The following IRAK3 variants were observed in gnomAD, a reference collection of about 807,000 sequenced individuals.
The protein encoded by IRAK3 is interleukin 1 receptor associated kinase 3, also known as interleukin-1 receptor-associated kinase 3.
IRAK3 carries 57 observed loss-of-function variants against 56.6 expected under a neutral mutation model. The ratio of observed to expected loss-of-function variants is 1.01; its 90% confidence interval spans 0.81 to 1.26. The LOEUF (loss-of-function observed/expected upper bound fraction) is 1.26. IRAK3 is among the 50% of genes most tolerant of loss of function. The pLI, the probability that IRAK3 is intolerant of heterozygous loss-of-function variation, is 0.00. For synonymous variants in IRAK3, 258 were observed against 255.7 expected (o/e 1.01, Z -0.09); for missense variants, 703 against 719.0 (o/e 0.98, Z 0.25).
chr12:66,233,374 C>T (rs1275551817), intron 8 of IRAK3, among the ~76,000 whole-genome samples: 3 of 152,102 alleles, frequency 2.0e-5, no homozygotes, highest in South Asian at 2.1e-4. Flanking sequence ...AGAAATTAGC[C>T]GGGCATAGTG....
chr12:66,221,377 C>T (rs2052731999), intron 6 of IRAK3, among the ~76,000 whole-genome samples: 1 of 152,100 alleles, frequency 6.6e-6, no homozygotes, highest in Non-Finnish European at 1.5e-5. Flanking sequence ...ATTGCTCTGG[C>T]TAGGACTTCC....
At chr12:66,190,512 A>C (rs2052389215) in intron 1 of IRAK3, among the ~76,000 whole-genome samples, 1 of 152,150 alleles carries the variant, frequency 6.6e-6, no homozygotes, top group South Asian at 2.1e-4. Flanking sequence ...CAGTATTTAT[A>C]CCCGTTGATT....
chr12:66,221,994 A>G (rs1394451882), intron 6 of IRAK3, among the ~76,000 whole-genome samples: 1 of 152,148 alleles, frequency 6.6e-6, no homozygotes, highest in Non-Finnish European at 1.5e-5. Flanking sequence ...ATGCCACCAC[A>G]CTCTAGCCTG....
At chr12:66,224,287 C>T (rs55715236) in intron 6 of IRAK3, among the ~76,000 whole-genome samples, 32,961 of 152,102 alleles carry the variant, frequency 0.22, 4,218 homozygotes, top group Middle Eastern at 0.33. Context: ...CCTGAATCAT[C>T]TTCTCAGATG....
intron 2 of IRAK3, among the ~76,000 whole-genome samples, chr12:66,204,804 A>G (rs372854678): frequency 0.018 from 2,808 of 152,154 alleles, 32 homozygotes; most frequent in Middle Eastern, 0.048. Flanking sequence ...ACACACACAC[A>G]CACACACACA....
At chr12:66,244,805 A>C in intron 9 of IRAK3, 121 bp downstream of exon 9, 1 of 1,073,778 alleles carries the variant, frequency 9.3e-7, no homozygotes, top group Admixed American at 1.9e-5. Context: ...CATCTTATAT[A>C]TTAATTTTGT....
intron 8 of IRAK3, among the ~76,000 whole-genome samples, chr12:66,235,387 C>G (rs1435347944): frequency 6.6e-6 from 1 of 150,780 alleles, no homozygotes; most frequent in African/African-American, 2.4e-5. Flanking sequence ...GGCCGGGCCC[C>G]GGGCCGAGGC....
At chr12:66,222,386 A>G (rs979268398) in intron 6 of IRAK3, among the ~76,000 whole-genome samples, 3 of 150,712 alleles carry the variant, frequency 2.0e-5, no homozygotes, top group African/African-American at 7.3e-5. Flanking sequence ...CTATTTCTTC[A>G]TGATTCAGTC....
chr12:66,220,934 G>A lies in IRAK3; in HGVS notation c.653+3699G>A, dbSNP rs186799760. Among the ~76,000 whole-genome samples, 14 of 152,266 alleles carry A rather than the reference G, an allele frequency of 9.2e-5. No individual in the cohort carries two copies. The East Asian group carries it at 2.5e-3, about 27-fold the overall frequency. On this transcript the variant is annotated intron_variant, in intron 6 of 11. Coordinates refer to ENST00000261233, the MANE Select transcript of IRAK3 (RefSeq NM_007199.3). ...GGCATTGGAATTTTGATAGAAATGT[G>A]TTGAATGTGTAGCTCACTTTGAGTA... is the stretch of plus-strand genomic sequence containing the variant.
chr12:66,223,704 T>C (rs958247002), intron 6 of IRAK3, among the ~76,000 whole-genome samples: 2 of 151,060 alleles, frequency 1.3e-5, no homozygotes, highest in Admixed American at 1.3e-4. Flanking sequence ...AAAGTAAACA[T>C]TACTTTTTTT....
chr12:66,205,783 G>A (rs955495329), intron 2 of IRAK3, among the ~76,000 whole-genome samples: 21 of 152,186 alleles, frequency 1.4e-4, no homozygotes, highest in Admixed American at 3.9e-4. Flanking sequence ...CAGCTTCCAG[G>A]CATCACTTTG....
rs1334157822 is a variant in IRAK3, at chr12:66,196,823, C to A, written c.134-6888C>A. 7.7e-6 allele frequency: 11 copies of A among 1,421,136 alleles called. 1 individual carries two copies. In the African/African-American group the frequency reaches 1.3e-4, roughly 17 times the overall value. The allele number at this position is 1,421,136 out of a possible 1,614,324, so 88.0% of individuals were successfully genotyped here. On this transcript the variant is annotated intron_variant, in intron 1 of 11. Coordinates refer to ENST00000261233, the MANE Select transcript of IRAK3 (RefSeq NM_007199.3). ...CTTAAAAGTTCTTTTAAAAAATTGTCTAATTTTTTGCATGCTTTGTAGAAA... is the reference window on the plus strand; with the variant it reads ...CTTAAAAGTTCTTTTAAAAAATTGTATAATTTTTTGCATGCTTTGTAGAAA...
intron 6 of IRAK3, among the ~76,000 whole-genome samples, chr12:66,220,731 G>A (rs913182923): frequency 2.6e-5 from 4 of 151,306 alleles, no homozygotes; most frequent in South Asian, 2.1e-4. Flanking sequence ...CGTTTTAGCC[G>A]GGACGGTCTC....
intron 6 of IRAK3, among the ~76,000 whole-genome samples, chr12:66,218,376 C>G (rs1390263933): frequency 1.3e-5 from 2 of 151,922 alleles, no homozygotes; most frequent in African/African-American, 4.8e-5. Context: ...ACAAGAAAAC[C>G]TTGTATATAT....
intron 2 of IRAK3, among the ~76,000 whole-genome samples, chr12:66,206,455 C>T (rs1470750239): frequency 1.3e-5 from 2 of 152,088 alleles, no homozygotes; most frequent in African/African-American, 4.8e-5. Context: ...TTTTCAGATG[C>T]TTTTTTGTCA....
intron 5 of IRAK3, among the ~76,000 whole-genome samples, chr12:66,213,257 C>A (rs893269318): frequency 2.0e-5 from 3 of 151,934 alleles, no homozygotes; most frequent in African/African-American, 4.8e-5. Flanking sequence ...CTGGAAAGAC[C>A]CACCCCCATG....
rs2053129133 is a variant in IRAK3 at position 66,254,067 on chromosome 12, A to G, written c.*5896A>G. ...AAGATAAAGCAATTGACAAAAATGG[A>G]ATTCTTGTTCAATACTGGCAGGAGT... On this transcript the variant is annotated 3_prime_UTR_variant, in exon 12 of 12. Coordinates refer to ENST00000261233, the MANE Select transcript of IRAK3 (RefSeq NM_007199.3). The G allele has an allele frequency of 6.6e-6, 1 of 152,202 alleles. No homozygotes were observed. The highest frequency in any genetic ancestry group is 1.5e-5 in the Non-Finnish European group (1 of 68,028). 9.4% of individuals were successfully genotyped at this position (152,202 alleles called of 1,614,324 possible).
intron 8 of IRAK3, among the ~76,000 whole-genome samples, chr12:66,236,861 A>G (rs1313929820): frequency 6.6e-6 from 1 of 152,124 alleles, no homozygotes; most frequent in Non-Finnish European, 1.5e-5. Flanking sequence ...GAGGTCAGAT[A>G]TGTTTAGGGA....
intron 11 of IRAK3, 33 bp downstream of exon 11, chr12:66,245,295 G>A (rs547783631): frequency 1.9e-6 from 3 of 1,608,292 alleles, no homozygotes; most frequent in Non-Finnish European, 2.6e-6. Context: ...TCAAAACTGA[G>A]CCCACAGAAC....
Sources: gnomAD v4.1 joint callset for allele counts (sites outside exome capture counted in the v4.1 genomes callset) on GRCh38, gnomAD v4.1.1 for gene constraint, MANE v1.5 for transcripts, NCBI Gene and HGNC (gene_info 2026-07-23, HGNC 2026-07-21) for gene names.